The following CHN2 variants were observed in gnomAD, a reference collection of about 807,000 sequenced individuals.
CHN2 encodes chimerin 2, also known as beta-chimaerin.
A neutral mutation model predicts 56.3 loss-of-function variants in CHN2; 35 were observed. That is an observed-to-expected ratio of 0.62 (90% confidence interval 0.47 to 0.82). CHN2 has a LOEUF of 0.82. Among genes scored for constraint, CHN2 ranks in the 40% least tolerant of loss-of-function variants. CHN2 has a pLI of 0.00. For synonymous variants in CHN2, 210 were observed against 212.8 expected (o/e 0.99, Z 0.12); for missense variants, 491 against 580.5 (o/e 0.85, Z 1.58).
chr7:29,425,470 C>T (rs1804768588), intron 6 of CHN2, among the ~76,000 whole-genome samples: 1 of 152,194 alleles, frequency 6.6e-6, no homozygotes, highest in African/African-American at 2.4e-5. Context: ...GCAGCATGAC[C>T]TAGCCTGTAC....
At chr7:29,283,768 A>G (rs1791916107) in intron 1 of CHN2, among the ~76,000 whole-genome samples, 2 of 151,642 alleles carry the variant, frequency 1.3e-5, no homozygotes, top group South Asian at 4.2e-4. Flanking sequence ...AAAGGCATGC[A>G]CCACCATGCC....
At chr7:29,312,960 T>A (rs1794700615) in intron 1 of CHN2, among the ~76,000 whole-genome samples, 1 of 152,164 alleles carries the variant, frequency 6.6e-6, no homozygotes, top group Admixed American at 6.5e-5. Flanking sequence ...TGAATTCTGA[T>A]GGCTATGGTG....
chr7:29,484,003 A>G, intron 7 of CHN2: 1 of 650,554 alleles, frequency 1.5e-6, no homozygotes, highest in Non-Finnish European at 2.6e-6. Context: ...GTTAGCATCT[A>G]TTATTATCTT....
intron 3 of CHN2, among the ~76,000 whole-genome samples, chr7:29,381,777 A>C (rs1439284384): frequency 7.0e-6 from 1 of 142,530 alleles, no homozygotes; most frequent in Non-Finnish European, 1.5e-5. Flanking sequence ...ATTCTATTGT[A>C]AGCAATAAAA....
chr7:29,372,212 AAAAG>A (rs1172500679), intron 3 of CHN2, among the ~76,000 whole-genome samples: 4 of 152,026 alleles, frequency 2.6e-5, no homozygotes, highest in South Asian at 2.1e-4. Flanking sequence ...TCATTAAAAA[AAAAG>A]AAAGAAAGAA....
At chr7:29,456,296 T>A (rs1784745818) in intron 6 of CHN2, among the ~76,000 whole-genome samples, 1 of 152,230 alleles carries the variant, frequency 6.6e-6, no homozygotes, top group Admixed American at 6.5e-5. Flanking sequence ...TTGTGATTAT[T>A]TGTTCAGATG....
At chr7:29,232,741 G>A (rs1221745931) in intron 1 of CHN2, among the ~76,000 whole-genome samples, 2 of 152,166 alleles carry the variant, frequency 1.3e-5, no homozygotes, top group African/African-American at 2.4e-5. Context: ...ATATTTTAGA[G>A]TTGTTGAATG....
At chr7:29,204,023 G>A (rs1784341291) in intron 1 of CHN2, among the ~76,000 whole-genome samples, 1 of 151,354 alleles carries the variant, frequency 6.6e-6, no homozygotes, top group African/African-American at 2.4e-5. Context: ...CTATGAAGTT[G>A]GAAAGAGAAG....
chr7:29,202,934 G>A (rs916368695), intron 1 of CHN2, among the ~76,000 whole-genome samples: 37 of 152,288 alleles, frequency 2.4e-4, no homozygotes, highest in African/African-American at 8.4e-4. Flanking sequence ...TGCAGCATGT[G>A]TCAGAGGCTG....
chr7:29,325,646 A>G (rs1427227386), intron 1 of CHN2, among the ~76,000 whole-genome samples: 1 of 152,218 alleles, frequency 6.6e-6, no homozygotes, highest in Non-Finnish European at 1.5e-5. Flanking sequence ...TGAGGTGCTA[A>G]TATCTTTGCA....
At chr7:29,326,664 G>A (rs921090158) in intron 1 of CHN2, among the ~76,000 whole-genome samples, 1 of 152,102 alleles carries the variant, frequency 6.6e-6, no homozygotes, top group East Asian at 1.9e-4. Context: ...TCCTACTAAT[G>A]GGCTTGTCTT....
chr7:29,310,789 T>A (rs1386723780), intron 1 of CHN2, among the ~76,000 whole-genome samples: 1 of 152,160 alleles, frequency 6.6e-6, no homozygotes, highest in Non-Finnish European at 1.5e-5. Context: ...CTCTTCTAGA[T>A]GGCACTAATC....
chr7:29,234,237 C>T (rs925508686), intron 1 of CHN2, among the ~76,000 whole-genome samples: 2 of 149,822 alleles, frequency 1.3e-5, no homozygotes, highest in African/African-American at 4.9e-5. Flanking sequence ...TAATTTGTTG[C>T]TGCAGCAATA....
chr7:29,382,696 G>A (rs796893117), intron 3 of CHN2, among the ~76,000 whole-genome samples: 8 of 152,196 alleles, frequency 5.3e-5, no homozygotes, highest in South Asian at 4.2e-4. Flanking sequence ...AGATCGCCAC[G>A]GCCCTAACTC....
At chr7:29,242,322 T>A (rs1787747548) in intron 1 of CHN2, among the ~76,000 whole-genome samples, 1 of 152,190 alleles carries the variant, frequency 6.6e-6, no homozygotes, top group South Asian at 2.1e-4. Context: ...AAACTATCTC[T>A]CTGGCGTTGT....
intron 6 of CHN2, among the ~76,000 whole-genome samples, chr7:29,441,808 C>G (rs1331990772): frequency 6.6e-6 from 1 of 152,152 alleles, no homozygotes; most frequent in Admixed American, 6.5e-5. Flanking sequence ...GTGGAGAAAT[C>G]AGAACCTTCA....
intron 2 of CHN2, among the ~76,000 whole-genome samples, chr7:29,187,085 A>T (rs924929655): frequency 6.6e-6 from 1 of 152,128 alleles, no homozygotes; most frequent in Non-Finnish European, 1.5e-5. Flanking sequence ...ACTTAAGGAG[A>T]GTGACTTTTC....
intron 6 of CHN2, among the ~76,000 whole-genome samples, chr7:29,468,355 AGT>A (rs1461363574): frequency 6.6e-6 from 1 of 152,066 alleles, no homozygotes; most frequent in Non-Finnish European, 1.5e-5. Flanking sequence ...GAGCTGGGTA[AGT>A]GTTCTCATGC....
chr7:29,159,169 A>C (rs925673132), intron 2 of CHN2, among the ~76,000 whole-genome samples: 24 of 152,348 alleles, frequency 1.6e-4, no homozygotes, highest in African/African-American at 5.5e-4. Flanking sequence ...GACTCCTGCA[A>C]GCAGATTTCT....
Sources: gnomAD v4.1 joint callset for allele counts (sites outside exome capture counted in the v4.1 genomes callset) on GRCh38, gnomAD v4.1.1 for gene constraint, MANE v1.5 for transcripts, NCBI Gene and HGNC (gene_info 2026-07-23, HGNC 2026-07-21) for gene names.